Variants in LRMDA observed in about 807,000 individuals in gnomAD.
LRMDA encodes leucine rich melanocyte differentiation associated.
In LRMDA, 18 loss-of-function variants were observed where a neutral mutation model predicts 29.8. That is an observed-to-expected ratio of 0.60 (90% CI 0.42 to 0.90). LRMDA has a LOEUF of 0.90. LRMDA is among the 40% of genes least tolerant of loss of function. LRMDA has a pLI of 0.00. For missense variants in LRMDA, 273 were observed against 273.9 expected, an observed-to-expected ratio of 1.00 and a Z score of 0.02; for synonymous variants, 125 against 109.4, an observed-to-expected ratio of 1.14 and a Z score of -0.89.
At chr10:75,543,995 C>A (rs894200661) in intron 2 of LRMDA, among the ~76,000 whole-genome samples, 1 of 152,162 alleles carries the variant, frequency 6.6e-6, no homozygotes, top group Non-Finnish European at 1.5e-5. Context: ...GGGTCCCTCA[C>A]CCCACCTGTG....
chr10:76,099,253 C>T (rs1477306183), intron 5 of LRMDA, among the ~76,000 whole-genome samples: 1 of 152,126 alleles, frequency 6.6e-6, no homozygotes, highest in East Asian at 1.9e-4. Context: ...AAACTAAGTT[C>T]CTCCCAAAGT....
intron 2 of LRMDA, among the ~76,000 whole-genome samples, chr10:75,849,626 G>A (rs1371928339): frequency 6.6e-6 from 1 of 152,114 alleles, no homozygotes; most frequent in East Asian, 1.9e-4. Flanking sequence ...GGGAGGGAGA[G>A]CATTAGGAAA....
At chr10:76,519,449 A>G (rs933305342) in intron 6 of LRMDA, among the ~76,000 whole-genome samples, 1 of 152,242 alleles carries the variant, frequency 6.6e-6, no homozygotes, top group African/African-American at 2.4e-5. Context: ...AGTCAAAAGT[A>G]TATTCAAAGA....
At chr10:75,695,570 C>T (rs1435134411) in intron 2 of LRMDA, among the ~76,000 whole-genome samples, 4 of 152,078 alleles carry the variant, frequency 2.6e-5, no homozygotes, top group African/African-American at 9.7e-5. Context: ...CTCCCTCCCC[C>T]TCCCTTTAAT....
chr10:76,242,902 T>C (rs1416501130), intron 5 of LRMDA, among the ~76,000 whole-genome samples: 1 of 152,202 alleles, frequency 6.6e-6, no homozygotes, highest in Non-Finnish European at 1.5e-5. Context: ...TGGTTTTCTC[T>C]CAGATATGAG....
intron 2 of LRMDA, among the ~76,000 whole-genome samples, chr10:75,598,277 C>T (rs1392987686): frequency 6.6e-6 from 1 of 152,150 alleles, no homozygotes; most frequent in Non-Finnish European, 1.5e-5. Context: ...CTTTCGGTAG[C>T]ATTTTGCAGA....
intron 6 of LRMDA, among the ~76,000 whole-genome samples, chr10:76,344,339 A>G (rs1470077629): frequency 6.6e-6 from 1 of 152,138 alleles, no homozygotes; most frequent in Non-Finnish European, 1.5e-5. Flanking sequence ...AAAAATATAC[A>G]ATATCTCCAA....
chr10:75,478,396 A>C (rs1844820177), intron 2 of LRMDA, among the ~76,000 whole-genome samples: 1 of 152,152 alleles, frequency 6.6e-6, no homozygotes, highest in African/African-American at 2.4e-5. Flanking sequence ...GCCTGTCAAC[A>C]GCGAATCTCC....
chr10:75,801,938 G>T (rs1342652100), intron 2 of LRMDA, among the ~76,000 whole-genome samples: 1 of 152,168 alleles, frequency 6.6e-6, no homozygotes, highest in South Asian at 2.1e-4. Context: ...TGTGTATGAT[G>T]CTACCCACCT....
intron 2 of LRMDA, among the ~76,000 whole-genome samples, chr10:75,501,006 T>G (rs571995312): frequency 6.6e-6 from 1 of 152,228 alleles, no homozygotes; most frequent in African/African-American, 2.4e-5. Context: ...CTTCTTTGCA[T>G]GTTGTCTCTG....
chr10:75,802,932 A>ATGTGTG (rs71024568), intron 2 of LRMDA, among the ~76,000 whole-genome samples: 296 of 136,068 alleles, frequency 2.2e-3, no homozygotes, highest in African/African-American at 7.6e-3. Context: ...TTAATACATT[A>ATGTGTG]TGTGTGTGTG....
intron 6 of LRMDA, among the ~76,000 whole-genome samples, chr10:76,330,063 A>C (rs1003687854): frequency 6.6e-6 from 1 of 152,348 alleles, no homozygotes; most frequent in South Asian, 2.1e-4. Context: ...CAACAAGCAT[A>C]ATGCTTTCAG....
At chr10:76,285,991 C>A (rs771388054) in intron 5 of LRMDA, among the ~76,000 whole-genome samples, 1 of 152,106 alleles carries the variant, frequency 6.6e-6, no homozygotes, top group Non-Finnish European at 1.5e-5. Flanking sequence ...ACTGACCTTG[C>A]GTTGAGGCTA....
At chr10:75,784,388 G>A (rs1328017634) in intron 2 of LRMDA, among the ~76,000 whole-genome samples, 6 of 152,198 alleles carry the variant, frequency 3.9e-5, no homozygotes, top group Non-Finnish European at 5.9e-5. Context: ...ACTATGAATG[G>A]TTAGTTGGTT....
At chr10:75,880,987 A>G (rs1845285072) in intron 2 of LRMDA, among the ~76,000 whole-genome samples, 1 of 152,118 alleles carries the variant, frequency 6.6e-6, no homozygotes, top group Non-Finnish European at 1.5e-5. Flanking sequence ...GAGGAATGAT[A>G]CTTTCTTGAA....
At chr10:75,452,016 G>A (rs1844467774) in intron 2 of LRMDA, among the ~76,000 whole-genome samples, 1 of 152,180 alleles carries the variant, frequency 6.6e-6, no homozygotes, top group African/African-American at 2.4e-5. Context: ...CCGTTGGCTT[G>A]GTGTAAGAAG....
intron 5 of LRMDA, among the ~76,000 whole-genome samples, chr10:76,079,340 G>A (rs921052304): frequency 6.6e-6 from 1 of 152,206 alleles, no homozygotes; most frequent in African/African-American, 2.4e-5. Context: ...AGAGAGTTGG[G>A]TGTGCAGTTT....
At chr10:76,274,892 A>G (rs1210009150) in intron 5 of LRMDA, among the ~76,000 whole-genome samples, 5 of 152,138 alleles carry the variant, frequency 3.3e-5, no homozygotes, top group Non-Finnish European at 5.9e-5. Context: ...CATTGTTATC[A>G]TTATATTGTT....
At chr10:76,137,479 A>C (rs1564663024) in intron 5 of LRMDA, among the ~76,000 whole-genome samples, 1 of 152,114 alleles carries the variant, frequency 6.6e-6, no homozygotes, top group Non-Finnish European at 1.5e-5. Flanking sequence ...TTGGGGAGGA[A>C]CTTAAGGTAG....
Sources: allele counts gnomAD v4.1 joint callset (sites outside exome capture counted in the v4.1 genomes callset), GRCh38; gene constraint gnomAD v4.1.1; transcripts MANE v1.5; gene names NCBI Gene and HGNC (gene_info 2026-07-23, HGNC 2026-07-21).